The following CDH12 variants were observed in gnomAD, a reference collection of about 807,000 sequenced individuals.
CDH12 encodes cadherin 12, also known as cadherin-12.
CDH12 carries 41 observed loss-of-function variants against 74.1 expected under a neutral mutation model. The ratio of observed to expected loss-of-function variants is 0.55; its 90% CI spans 0.43 to 0.72. The LOEUF (loss-of-function observed/expected upper bound fraction) is 0.72, where lower values mean the gene tolerates loss of function less well. Ranked by LOEUF, CDH12 falls within the 30% of genes least tolerant of loss-of-function variation. CDH12 has a pLI of 0.00. For synonymous variants in CDH12, 399 were observed against 355.0 expected, an observed-to-expected ratio of 1.12 and a Z score of -1.39; for missense variants, 945 against 977.2, an observed-to-expected ratio of 0.97 and a Z score of 0.44.
intron 6 of CDH12, among the ~76,000 whole-genome samples, chr5:21,965,164 A>G (rs1756524255): frequency 6.6e-6 from 1 of 152,060 alleles, no homozygotes; most frequent in African/African-American, 2.4e-5. Flanking sequence ...TTATATTTTT[A>G]AAGAGTTTGG....
In CDH12 at chr5:22,422,945, T is replaced by C. The variant is rs539211361; in HGVS notation, c.-427-17594A>G. ...TTCAATATGTAGCAAATGTTCTTTA[T>C]GCATAATTCCCATTTCATGACAGAG... On this transcript the variant is annotated intron_variant, in intron 2 of 14. Coordinates refer to ENST00000382254, the MANE Select transcript of CDH12 (RefSeq NM_004061.5). 3.5e-4 allele frequency among the ~76,000 whole-genome samples: 53 copies of C among 152,304 alleles called. 1 individual carries two copies. The highest frequency in any genetic ancestry group is 3.4e-3 in the Middle Eastern group (1 of 294).
At chr5:22,021,509 T>C (rs1737972949) in intron 5 of CDH12, among the ~76,000 whole-genome samples, 3 of 152,196 alleles carry the variant, frequency 2.0e-5, no homozygotes. Flanking sequence ...AGATGGTCCC[T>C]GACTTAAGGT....
chr5:22,792,622 C>G (rs1353281375), intron 1 of CDH12, among the ~76,000 whole-genome samples: 1 of 152,148 alleles, frequency 6.6e-6, no homozygotes, highest in African/African-American at 2.4e-5. Context: ...TCCAGCTTTA[C>G]AAAGCCAGAT....
chr5:22,145,521 A>T lies in CDH12; in HGVS notation c.-186-66659T>A, dbSNP rs186277921. On this transcript the variant is annotated intron_variant, in intron 4 of 14. Transcript: ENST00000382254. ...ATAAAACTCTAAGGCAGTTTTTCCC[A>T]TTGTGATGCTTTTGTCTACAATCTT... Among the ~76,000 whole-genome samples, 30 of 152,214 alleles carry T rather than the reference A, an allele frequency of 2.0e-4. No individual in the cohort carries two copies. The East Asian group carries it at 5.0e-3, about 25-fold the overall frequency.
intron 2 of CDH12, among the ~76,000 whole-genome samples, chr5:22,451,384 A>T (rs1487594488): frequency 6.6e-6 from 1 of 151,956 alleles, no homozygotes; most frequent in East Asian, 1.9e-4. Flanking sequence ...TGACCAACCA[A>T]GATTCATCCC....
At chr5:22,247,520 C>T (rs984786712) in intron 3 of CDH12, among the ~76,000 whole-genome samples, 1 of 151,858 alleles carries the variant, frequency 6.6e-6, no homozygotes, top group African/African-American at 2.4e-5. Flanking sequence ...ACTAAAAATA[C>T]AAAAATTAAC....
At chr5:22,139,996 A>G (rs1186035020) in intron 4 of CDH12, among the ~76,000 whole-genome samples, 2 of 152,070 alleles carry the variant, frequency 1.3e-5, no homozygotes, top group Admixed American at 6.6e-5. Context: ...AAACAAATGG[A>G]AGGCAGCTGC....
At chr5:22,802,856 T>C (rs1255114039) in intron 1 of CDH12, among the ~76,000 whole-genome samples, 1 of 152,202 alleles carries the variant, frequency 6.6e-6, no homozygotes, top group East Asian at 1.9e-4. Context: ...TTTGGAAATA[T>C]ATACACGTTT....
chr5:22,507,957 C>T (rs1736453274), intron 1 of CDH12, among the ~76,000 whole-genome samples: 1 of 152,182 alleles, frequency 6.6e-6, no homozygotes, highest in Admixed American at 6.6e-5. Context: ...CTAACATCCT[C>T]AAATTTCTTC....
At chr5:21,886,433 T>C (rs1752633804) in intron 6 of CDH12, among the ~76,000 whole-genome samples, 2 of 149,786 alleles carry the variant, frequency 1.3e-5, no homozygotes, top group South Asian at 4.2e-4. Flanking sequence ...GTGTTTTTTC[T>C]TTTTATTATT....
chr5:22,262,468 G>A (rs2150394781), intron 3 of CDH12, among the ~76,000 whole-genome samples: 1 of 151,870 alleles, frequency 6.6e-6, no homozygotes, highest in African/African-American at 2.4e-5. Context: ...TGGCTGCATA[G>A]TATTCCATGG....
chr5:22,481,213 G>T (rs1205428131), intron 2 of CDH12, among the ~76,000 whole-genome samples: 2 of 152,192 alleles, frequency 1.3e-5, no homozygotes, highest in Non-Finnish European at 1.5e-5. Context: ...TGTTGGCAAA[G>T]ATCTGAAGAA....
intron 5 of CDH12, among the ~76,000 whole-genome samples, chr5:22,004,166 C>T (rs1303113152): frequency 6.6e-6 from 1 of 152,132 alleles, no homozygotes; most frequent in Non-Finnish European, 1.5e-5. Context: ...AAAACAGCCA[C>T]CCATTAATTT....
At chr5:22,242,611 G>T (rs1237517111) in intron 3 of CDH12, among the ~76,000 whole-genome samples, 11 of 152,112 alleles carry the variant, frequency 7.2e-5, no homozygotes, top group Admixed American at 7.2e-4. Flanking sequence ...TGGCTTTCTA[G>T]CAGAAGATTG....
chr5:22,013,822 A>C (rs368347327), intron 5 of CDH12, among the ~76,000 whole-genome samples: 5 of 152,174 alleles, frequency 3.3e-5, no homozygotes, highest in African/African-American at 1.2e-4. Flanking sequence ...TCATCTTTTT[A>C]AAGTGTCTCT....
intron 1 of CDH12, among the ~76,000 whole-genome samples, chr5:22,577,973 A>G (rs986166844): frequency 6.6e-6 from 1 of 152,188 alleles, no homozygotes; most frequent in African/African-American, 2.4e-5. Context: ...ATGTTCAGGC[A>G]TCACCAGAGA....
intron 1 of CDH12, among the ~76,000 whole-genome samples, chr5:22,807,841 G>A (rs2126438422): frequency 6.6e-6 from 1 of 152,272 alleles, no homozygotes; most frequent in African/African-American, 2.4e-5. Context: ...CTGGGTGTCA[G>A]GAATGAATGA....
intron 3 of CDH12, among the ~76,000 whole-genome samples, chr5:22,354,149 A>C (rs1740466455): frequency 6.6e-6 from 1 of 152,200 alleles, no homozygotes; most frequent in South Asian, 2.1e-4. Flanking sequence ...TATCGAAGGC[A>C]AAAAGGAATC....
chr5:21,974,424 A>T (rs1338390529), intron 6 of CDH12, among the ~76,000 whole-genome samples: 5 of 152,130 alleles, frequency 3.3e-5, no homozygotes, highest in African/African-American at 1.2e-4. Context: ...TTAGGCTGAT[A>T]TGGAAATGTA....
Sources: gnomAD v4.1 joint callset for allele counts (sites outside exome capture counted in the v4.1 genomes callset) on GRCh38, gnomAD v4.1.1 for gene constraint, MANE v1.5 for transcripts, NCBI Gene and HGNC (gene_info 2026-07-23, HGNC 2026-07-21) for gene names.